Variants in TPD52L1 observed in about 807,000 individuals in gnomAD.
The protein encoded by TPD52L1 is tumor protein D53.
TPD52L1 carries 18 observed loss-of-function variants against 28.7 expected under a neutral mutation model. The ratio of observed to expected loss-of-function variants is 0.63; its 90% confidence interval spans 0.43 to 0.93. The LOEUF (loss-of-function observed/expected upper bound fraction) is 0.93, where lower values mean the gene tolerates loss of function less well. Among genes scored for constraint, TPD52L1 ranks in the 40% least tolerant of loss-of-function variants. TPD52L1 has a pLI of 0.00. For missense variants in TPD52L1, 203 were observed against 254.8 expected (o/e 0.80, Z 1.39); for synonymous variants, 75 against 88.8 (o/e 0.84, Z 0.88).
intron 6 of TPD52L1, chr6:125,262,562 C>T: frequency 3.0e-6 from 1 of 334,662 alleles, no homozygotes; most frequent in Non-Finnish European, 5.5e-6. Flanking sequence ...CGATTATGCT[C>T]CTGAAGGGAT....
chr6:125,241,493 C>T (rs1258402019), intron 3 of TPD52L1, among the ~76,000 whole-genome samples: 2 of 151,852 alleles, frequency 1.3e-5, no homozygotes, highest in Non-Finnish European at 2.9e-5. Flanking sequence ...GTTTCAATCT[C>T]GCTACATATT....
At chr6:125,167,373 A>C (rs563267469) in intron 1 of TPD52L1, among the ~76,000 whole-genome samples, 43 of 152,272 alleles carry the variant, frequency 2.8e-4, no homozygotes, top group Admixed American at 8.5e-4. Flanking sequence ...TATGAAGGGC[A>C]TTACCGGAAA....
intron 1 of TPD52L1, among the ~76,000 whole-genome samples, chr6:125,208,694 G>A (rs1794321123): frequency 1.3e-5 from 2 of 152,116 alleles, no homozygotes; most frequent in South Asian, 4.1e-4. Context: ...GTTTCAAGGT[G>A]AACAAAACTG....
intron 3 of TPD52L1, 140 bp downstream of exon 3, chr6:125,229,406 A>G (rs1404287247): frequency 8.8e-6 from 7 of 793,258 alleles, no homozygotes; most frequent in Admixed American, 3.3e-5. Context: ...AGCAAAGCAA[A>G]GAAATGTGAA....
chr6:125,219,945 T>A, intron 1 of TPD52L1, 133 bp from the exon 2 acceptor site: 1 of 731,178 alleles, frequency 1.4e-6, no homozygotes, highest in Admixed American at 2.0e-5. Context: ...AGGATTTTTG[T>A]CTTTTCTGGA....
At chr6:125,247,448 G>A (rs1796987791) in intron 3 of TPD52L1, among the ~76,000 whole-genome samples, 1 of 152,016 alleles carries the variant, frequency 6.6e-6, no homozygotes, top group South Asian at 2.1e-4. Flanking sequence ...CTTTGGTCTT[G>A]CTCTTATTTA....
intron 1 of TPD52L1, among the ~76,000 whole-genome samples, chr6:125,205,524 T>C (rs2114913288): frequency 6.6e-6 from 1 of 152,304 alleles, no homozygotes; most frequent in South Asian, 2.1e-4. Context: ...GTTCAGGCTC[T>C]CTGAGATTCT....
At chr6:125,193,028 A>G (rs1444882995) in intron 1 of TPD52L1, among the ~76,000 whole-genome samples, 1 of 152,176 alleles carries the variant, frequency 6.6e-6, no homozygotes, top group Non-Finnish European at 1.5e-5. Flanking sequence ...GTCTCATTTA[A>G]TCCTCCAAGT....
intron 3 of TPD52L1, among the ~76,000 whole-genome samples, chr6:125,230,490 G>A (rs1326499941): frequency 4.6e-5 from 7 of 152,106 alleles, no homozygotes; most frequent in African/African-American, 1.2e-4. Context: ...ATACCTAAGT[G>A]GGAGTCAATT....
At chr6:125,156,539 G>A (rs1454490504) in intron 1 of TPD52L1, among the ~76,000 whole-genome samples, 1 of 151,408 alleles carries the variant, frequency 6.6e-6, no homozygotes, top group African/African-American at 2.4e-5. Flanking sequence ...GGAGGCTGGA[G>A]GAGACAGATT....
intron 1 of TPD52L1, among the ~76,000 whole-genome samples, chr6:125,199,731 C>A (rs546606539): frequency 6.6e-6 from 1 of 152,214 alleles, no homozygotes; most frequent in East Asian, 1.9e-4. Flanking sequence ...GTTTAGCTTG[C>A]CTGCAATATA....
At chr6:125,171,066 A>G (rs1259024522) in intron 1 of TPD52L1, among the ~76,000 whole-genome samples, 1 of 152,228 alleles carries the variant, frequency 6.6e-6, no homozygotes, top group African/African-American at 2.4e-5. Flanking sequence ...CACACAGGCT[A>G]GGAAACTAGT....
intron 4 of TPD52L1, among the ~76,000 whole-genome samples, chr6:125,250,746 G>A (rs1027497224): frequency 1.5e-4 from 23 of 152,126 alleles, no homozygotes; most frequent in African/African-American, 5.1e-4. Context: ...CTTTCCTCCC[G>A]TTTCAATGTG....
At chr6:125,158,936 T>A (rs1790327884) in intron 1 of TPD52L1, among the ~76,000 whole-genome samples, 1 of 152,246 alleles carries the variant, frequency 6.6e-6, no homozygotes, top group Non-Finnish European at 1.5e-5. Flanking sequence ...GGTACATACC[T>A]TTATGTAAAA....
intron 1 of TPD52L1, among the ~76,000 whole-genome samples, chr6:125,194,298 G>A (rs747241143): frequency 6.6e-6 from 1 of 152,076 alleles, no homozygotes; most frequent in Non-Finnish European, 1.5e-5. Flanking sequence ...CAGCATTACT[G>A]AGCTTTCTGT....
At position 125,153,895 on chromosome 6, in the gene TPD52L1, A is replaced by G; in HGVS notation, c.-57A>G. On this transcript the variant is annotated 5_prime_UTR_variant, in exon 1 of 7. Transcript: ENST00000534000. ...CGTTCTGAGCCTGGGCGCAGCTGCC[A>G]TCTGCTCTGGGAAGCACCAGGGTGT... The G allele has an allele frequency of 1.9e-6, 3 of 1,569,132 alleles. No homozygotes were observed. The highest frequency in any genetic ancestry group is 1.2e-5 in the South Asian group (1 of 85,698).
intron 3 of TPD52L1, among the ~76,000 whole-genome samples, chr6:125,234,751 T>G (rs919711483): frequency 1.1e-4 from 17 of 152,114 alleles, no homozygotes; most frequent in Non-Finnish European, 4.4e-5. Context: ...AAAAACAATC[T>G]TAAGTATTAA....
In TPD52L1 at chr6:125,220,141, C is replaced by G; in HGVS notation, c.83C>G (p.Ser28Cys). 6.2e-7 allele frequency: 1 copy of G among 1,613,824 alleles called. No homozygotes were observed. Among genetic ancestry groups the G allele is most frequent in the Non-Finnish European group, 8.5e-7 (1 of 1,179,796 alleles). The change falls in exon 2 of 7, where the codon TCT (serine) becomes TGT (cysteine). Residue 28 changes from serine to cysteine, a missense_variant. Coordinates refer to ENST00000534000, the MANE Select transcript of TPD52L1 (RefSeq NM_003287.4). The part of the protein sequence containing the change: ...DEDAVASADF[S>C]SMLSEEEKEE... ...GATGCAGTAGCCAGTGCTGACTTCT[C>G]TAGCATGCTCTCTGAGGAGGAAAAG...
chr6:125,178,614 C>T (rs912666543), intron 1 of TPD52L1, among the ~76,000 whole-genome samples: 1 of 149,346 alleles, frequency 6.7e-6, no homozygotes, highest in Non-Finnish European at 1.5e-5. Context: ...GAGTGAGACT[C>T]CATCTAAAAA....
Sources: allele counts gnomAD v4.1 joint callset (sites outside exome capture counted in the v4.1 genomes callset), GRCh38; gene constraint gnomAD v4.1.1; transcripts MANE v1.5; gene names NCBI Gene and HGNC (gene_info 2026-07-23, HGNC 2026-07-21).